UNC13C: variants seen among roughly 807,000 people sequenced by gnomAD.
UNC13C encodes protein unc-13 homolog C.
In UNC13C, 174 loss-of-function variants were observed where a neutral mutation model predicts 245.4. The observed-to-expected ratio is 0.71, with a 90% CI of 0.63 to 0.80. UNC13C has a LOEUF of 0.80. Ranked by LOEUF, UNC13C falls within the 30% of genes least tolerant of loss-of-function variation. The pLI, the probability that UNC13C is intolerant of heterozygous loss-of-function variation, is 0.00. For missense variants in UNC13C, 2,829 were observed against 2,602.9 expected, an observed-to-expected ratio of 1.09 and a Z score of -1.89; for synonymous variants, 992 against 895.1, an observed-to-expected ratio of 1.11 and a Z score of -1.93.
chr15:53,945,765 T>G, the UNC13C span, among the ~76,000 whole-genome samples: 1 of 152,216 alleles, frequency 6.6e-6, no homozygotes, highest in Non-Finnish European at 1.5e-5. Flanking sequence ...AAAATACTTT[T>G]TTCCTAGTTA....
intron 30 of UNC13C, 60 bp downstream of exon 30, chr15:54,568,007 T>A: frequency 7.8e-7 from 1 of 1,280,256 alleles, no homozygotes; most frequent in Non-Finnish European, 1.0e-6. Flanking sequence ...AAATTTAACA[T>A]CAGAATTATT....
Position 54,567,957 on chromosome 15 carries a change from A to G in UNC13C, c.6106+10A>G. ...ACTCAAACCTCACAGAGTAAGTAAC[A>G]CATAGGACCTGAGAATAAGGTAAAC... is the stretch of plus-strand genomic sequence containing the variant. On this transcript the variant is annotated intron_variant, in intron 30 of 32. Transcript: ENST00000260323. The G allele has an allele frequency of 2.6e-6, 4 of 1,521,814 alleles. No individual in the cohort carries two copies. Among genetic ancestry groups the G allele is most frequent in the Non-Finnish European group, 3.5e-6 (4 of 1,130,686 alleles). The allele number at this position is 1,521,814 out of a possible 1,614,324, so 94.3% of individuals were successfully genotyped here.
At chr15:54,204,558 C>T (rs1394121703) in intron 4 of UNC13C, among the ~76,000 whole-genome samples, 3 of 151,958 alleles carry the variant, frequency 2.0e-5, no homozygotes, top group Non-Finnish European at 2.9e-5. Context: ...TTTGTCTACA[C>T]GTTTAATGTG....
intron 2 of UNC13C, among the ~76,000 whole-genome samples, chr15:54,054,649 T>G (rs1405986066): frequency 6.6e-6 from 1 of 152,148 alleles, no homozygotes; most frequent in African/African-American, 2.4e-5. Context: ...ACTTCCCACT[T>G]TCTCTACTGG....
At chr15:54,164,386 T>C (rs1014608709) in intron 4 of UNC13C, among the ~76,000 whole-genome samples, 3 of 152,240 alleles carry the variant, frequency 2.0e-5, no homozygotes, top group African/African-American at 2.4e-5. Context: ...CTAATTATAC[T>C]GTATATCATT....
intron 30 of UNC13C, among the ~76,000 whole-genome samples, chr15:54,612,572 A>G (rs532404987): frequency 2.0e-5 from 3 of 152,074 alleles, no homozygotes; most frequent in Non-Finnish European, 4.4e-5. Context: ...TTTTTCCCCA[A>G]TAGTAAAAAC....
At chr15:54,422,006 A>G (rs982856398) in intron 19 of UNC13C, among the ~76,000 whole-genome samples, 1 of 152,200 alleles carries the variant, frequency 6.6e-6, no homozygotes, top group Non-Finnish European at 1.5e-5. Flanking sequence ...AGTGATATGG[A>G]TGAAAAGCAT....
chr15:54,461,237 C>T (rs1269834122), intron 19 of UNC13C, among the ~76,000 whole-genome samples: 1 of 152,104 alleles, frequency 6.6e-6, no homozygotes, highest in Non-Finnish European at 1.5e-5. Context: ...GAAATGTTCT[C>T]AAATTTGGCA....
chr15:54,081,748 C>T (rs1471134087), intron 2 of UNC13C, among the ~76,000 whole-genome samples: 1 of 151,976 alleles, frequency 6.6e-6, no homozygotes, highest in African/African-American at 2.4e-5. Context: ...TCCAATTTTC[C>T]ACTCTATGTC....
intron 2 of UNC13C, among the ~76,000 whole-genome samples, chr15:54,086,976 C>T (rs183511098): frequency 5.3e-5 from 8 of 151,892 alleles, no homozygotes; most frequent in South Asian, 2.1e-4. Context: ...CCTCATGATC[C>T]ACCCACCTCA....
intron 30 of UNC13C, among the ~76,000 whole-genome samples, chr15:54,616,224 A>G (rs554819819): frequency 6.6e-6 from 1 of 152,160 alleles, no homozygotes; most frequent in East Asian, 1.9e-4. Context: ...ATCAGCAGTA[A>G]GTTTAAAGTC....
intron 2 of UNC13C, among the ~76,000 whole-genome samples, chr15:54,037,308 G>GT (rs908134165): frequency 6.6e-6 from 1 of 152,166 alleles, no homozygotes; most frequent in Non-Finnish European, 1.5e-5. Context: ...GAAAGATACA[G>GT]TTTTTTCCAC....
In UNC13C at chr15:54,013,988, G is replaced by A. The variant is rs1425768653; in HGVS notation, c.1085G>A (p.Arg362Lys). ...PNAIKIEFAQ[R>K]IGHQRDCPNA... ...GCTATTAAAATTGAATTTGCTCAGAGGATAGGACACCAGAGAGACTGCCCA... is the reference window on the plus strand; with the variant it reads ...GCTATTAAAATTGAATTTGCTCAGAAGATAGGACACCAGAGAGACTGCCCA... The change falls in exon 2 of 33, where the codon AGG becomes AAG. Residue 362 changes from arginine (R) to lysine (K), a missense_variant. Transcript: ENST00000260323. 6.2e-7 allele frequency: 1 copy of A among 1,613,770 alleles called. No individual in the cohort carries two copies. Among genetic ancestry groups the A allele is most frequent in the Admixed American group, 1.7e-5 (1 of 59,932 alleles).
chr15:54,380,373 T>C lies in UNC13C; in HGVS notation c.4714-12675T>C, dbSNP rs116133051. Among the ~76,000 whole-genome samples the C allele has an allele frequency of 9.4e-3, 1,425 of 152,330 alleles. 27 individuals are homozygous for C. The highest frequency in any genetic ancestry group is 0.033 in the African/African-American group (1,351 of 41,558). On this transcript the variant is annotated intron_variant, in intron 17 of 32. Transcript: ENST00000260323. ...TGTATGGTTTTTATCCACTCATTCA[T>C]TGATAGCTACTTAAGTTGATTCCAT...
At chr15:54,083,460 A>G (rs1899064925) in intron 2 of UNC13C, among the ~76,000 whole-genome samples, 1 of 152,124 alleles carries the variant, frequency 6.6e-6, no homozygotes, top group South Asian at 2.1e-4. Context: ...TGCAAGTCCA[A>G]GCAGCACAGG....
At chr15:54,525,519 A>T in intron 24 of UNC13C, 30 bp from the exon 25 acceptor site, 1 of 1,572,960 alleles carries the variant, frequency 6.4e-7, no homozygotes, top group Admixed American at 1.8e-5. Flanking sequence ...TCAAAACTCC[A>T]AAGTAATATT....
At chr15:53,956,539 G>GT in the UNC13C span, among the ~76,000 whole-genome samples, 2 of 129,646 alleles carry the variant, frequency 1.5e-5, no homozygotes, top group African/African-American at 5.7e-5. Flanking sequence ...AAACAGAGAG[G>GT]TAAAGAGGTT....
chr15:54,438,096 T>C (rs1370983232), intron 19 of UNC13C, among the ~76,000 whole-genome samples: 1 of 150,814 alleles, frequency 6.6e-6, no homozygotes, highest in Non-Finnish European at 1.5e-5. Flanking sequence ...GAGGTTACTC[T>C]TAAGGAAAGC....
chr15:54,347,490 T>G (rs2038884639), intron 17 of UNC13C, among the ~76,000 whole-genome samples: 1 of 152,210 alleles, frequency 6.6e-6, no homozygotes, highest in African/African-American at 2.4e-5. Context: ...CTAAAACACA[T>G]GTACACTTTT....
Sources: gnomAD v4.1 joint callset for allele counts (sites outside exome capture counted in the v4.1 genomes callset) on GRCh38, gnomAD v4.1.1 for gene constraint, MANE v1.5 for transcripts, NCBI Gene and HGNC (gene_info 2026-07-23, HGNC 2026-07-21) for gene names.